ZNF594: variants seen among roughly 807,000 people sequenced by gnomAD.
The protein encoded by ZNF594 is zinc finger protein HZF18.
For synonymous variants in ZNF594, 336 were observed against 309.4 expected, an observed-to-expected ratio of 1.09 and a Z score of -0.90; for missense variants, 1,037 against 964.6, an observed-to-expected ratio of 1.08 and a Z score of -0.99.
At chr17:5,191,118 G>A (rs1055785471) in intron 1 of ZNF594, among the ~76,000 whole-genome samples, 5 of 151,948 alleles carry the variant, frequency 3.3e-5, no homozygotes, top group Non-Finnish European at 5.9e-5. Flanking sequence ...CCTCAGGGCC[G>A]AGAAAATTTT....
In ZNF594 at chr17:5,183,069, T is replaced by C. The variant is rs781633620; in HGVS notation, c.1188A>G (p.Val396=). 1.1e-5 allele frequency: 18 copies of C among 1,614,060 alleles called. No individual in the cohort carries two copies. The highest frequency in any genetic ancestry group is 1.4e-5 in the Non-Finnish European group (17 of 1,180,034). ...CATATGGTTTCTCTCCTGTATGAGTTACCTGATGTCTGATGAGGTCTGAGG... is the reference window on the plus strand; with the variant it reads ...CATATGGTTTCTCTCCTGTATGAGTCACCTGATGTCTGATGAGGTCTGAGG... ...QGTSDLIRHQ[V]THTGEKPYEC... Residue 396 remains valine (V), a synonymous_variant, in exon 2 of 2, where the codon GTA becomes GTG. Coordinates refer to ENST00000575779, the MANE Select transcript of ZNF594 (RefSeq NM_032530.2).
rs2074370335 is a variant in ZNF594, at chr17:5,184,072, T to C, written c.185A>G (p.Gln62Arg). The C allele has an allele frequency of 1.9e-6, 3 of 1,614,066 alleles. No individual in the cohort carries two copies. The highest frequency in any genetic ancestry group is 3.3e-5 in the Admixed American group (2 of 60,006). ...LKDAMRHLPS[Q>R]ESGIREMHII... ...ATGCATTTCCCTGATACCGCTCTCT[T>C]GGGAAGGGAGATGTCTCATTGCATC... is the stretch of plus-strand genomic sequence containing the variant. The change falls in exon 2 of 2, where the codon CAA becomes CGA. Residue 62 changes from glutamine (Q) to arginine (R), a missense_variant. Physicochemically the swap from Gln to Arg is conservative, Grantham distance 43. Transcript: ENST00000575779.
downstream of ZNF594, among the ~76,000 whole-genome samples, chr17:5,177,945 C>A (rs970281340): frequency 6.6e-6 from 1 of 152,070 alleles, no homozygotes; most frequent in African/African-American, 2.4e-5. Context: ...GTCAAACCAG[C>A]CAACAAAAAT....
rs1424436481 is a variant in ZNF594 at position 5,184,212 on chromosome 17, C to T, written c.45G>A (p.Lys15=). ...KSKMEISEEK[K]SARAASEKLQ... The stretch of plus-strand genomic sequence containing the variant: ...GTTTTTCGGATGCAGCCCTTGCTGA[C>T]TTCTTTTCTTCAGAAATTTCCATCT... The change falls in exon 2 of 2, where the codon AAG becomes AAA. Residue 15 remains lysine, a synonymous_variant. Coordinates refer to ENST00000575779, the MANE Select transcript of ZNF594 (RefSeq NM_032530.2). 1.9e-6 allele frequency: 3 copies of T among 1,613,144 alleles called. No individual in the cohort carries two copies. The highest frequency in any genetic ancestry group is 3.3e-5 in the Admixed American group (2 of 59,762).
chr17:5,181,136 A>G lies in ZNF594; in HGVS notation c.*697T>C, dbSNP rs771953971. ...TCTGACTGAAGGCCTTCCAACATTC[A>G]GGGCATTCATAGGGTTTCTCTCCAG... On this transcript the variant is annotated 3_prime_UTR_variant, in exon 2 of 2. Transcript: ENST00000575779. The G allele has an allele frequency of 6.3e-7, 1 of 1,597,440 alleles. No homozygotes were observed. Among genetic ancestry groups the G allele is most frequent in the African/African-American group, 1.3e-5 (1 of 74,614 alleles).
intron 1 of ZNF594, among the ~76,000 whole-genome samples, chr17:5,191,068 C>A (rs963963372): frequency 7.2e-5 from 11 of 152,136 alleles, no homozygotes; most frequent in Non-Finnish European, 1.5e-4. Context: ...ATCCCCCCTC[C>A]CCTATTTAGA....
chr17:5,188,829 G>A (rs62076346), intron 1 of ZNF594, among the ~76,000 whole-genome samples: 1 of 148,650 alleles, frequency 6.7e-6, no homozygotes, highest in Admixed American at 6.8e-5. Flanking sequence ...CTCACTGCAA[G>A]CTCCGCCTCC....
Position 5,183,840 on chromosome 17 carries a change from ACTC to A in ZNF594, c.414_416del (p.Arg138del), listed in dbSNP as rs1411574937. ...TTCTCTGATGTATGATCAGGTTTGA[ACTC>A]CTGTTGAAGGTTTTTTCACATTCCT... On this transcript the variant is annotated inframe_deletion, in exon 2 of 2. Transcript: ENST00000575779. 2 of 1,613,560 alleles carry A rather than the reference ACTC, an allele frequency of 1.2e-6. No homozygotes were observed. The highest frequency in any genetic ancestry group is 2.7e-5 in the African/African-American group (2 of 74,850).
Position 5,183,590 on chromosome 17 carries a change from T to C in ZNF594, c.667A>G (p.Ser223Gly). 1 of 1,614,192 alleles carries C rather than the reference T, an allele frequency of 6.2e-7. No homozygotes were observed. Among genetic ancestry groups the C allele is most frequent in the East Asian group, 2.2e-5 (1 of 44,876 alleles). Reference protein sequence around the residue: ...CKECGKAFKGSSNLVLHQRIH... With the variant: ...CKECGKAFKGGSNLVLHQRIH... ...CTCTGGTGCAGGACAAGGTTTGAGCTTCCCTTAAAAGCCTTCCCACACTCT... is the reference window on the plus strand; with the variant it reads ...CTCTGGTGCAGGACAAGGTTTGAGCCTCCCTTAAAAGCCTTCCCACACTCT... The change falls in exon 2 of 2, where the codon AGC becomes GGC. Residue 223 changes from serine to glycine, a missense_variant. By Grantham distance (56) the Ser-to-Gly change is moderately conservative. Coordinates refer to ENST00000575779, the MANE Select transcript of ZNF594 (RefSeq NM_032530.2).
Position 5,181,112 on chromosome 17 carries a change from CT to C in ZNF594, c.*720del. The C allele has an allele frequency of 6.5e-7, 1 of 1,544,308 alleles. No homozygotes were observed. Among genetic ancestry groups the C allele is most frequent in the Non-Finnish European group, 8.9e-7 (1 of 1,122,266 alleles). On this transcript the variant is annotated 3_prime_UTR_variant, in exon 2 of 2. Transcript: ENST00000575779. ...TTTGATGACTGACAAGGTGTGAGTT[CT>C]GACTGAAGGCCTTCCAACATTCAGG... is the stretch of plus-strand genomic sequence containing the variant.
At chr17:5,187,022 C>T (rs1185955208) in intron 1 of ZNF594, among the ~76,000 whole-genome samples, 1 of 152,202 alleles carries the variant, frequency 6.6e-6, no homozygotes, top group Non-Finnish European at 1.5e-5. Flanking sequence ...CCGACCTTTG[C>T]CTGTTCTCCA....
At chr17:5,178,504 C>G (rs1598123725), downstream of ZNF594, among the ~76,000 whole-genome samples, 2 of 152,188 alleles carry the variant, frequency 1.3e-5, no homozygotes, top group Non-Finnish European at 1.5e-5. Context: ...TCCCTGGAAT[C>G]AGAACCAGAC....
At position 5,182,829 on chromosome 17, in the gene ZNF594, A is replaced by G. The variant is rs375303510; in HGVS notation, c.1428T>C (p.Val476=). The change falls in exon 2 of 2, where the codon GTT becomes GTC. Residue 476 remains valine, a synonymous_variant. Coordinates refer to ENST00000575779, the MANE Select transcript of ZNF594 (RefSeq NM_032530.2). ...GKAFSQRSHL[V]THQKIHTGEK... ...CTCCAGTATGGATTTTCTGGTGTGT[A>G]ACAAGGTGTGACCTCTGGCTAAAGG... 14 of 1,613,866 alleles carry G rather than the reference A, an allele frequency of 8.7e-6. No homozygotes were observed. Among genetic ancestry groups the G allele is most frequent in the East Asian group, 2.2e-5 (1 of 44,862 alleles).
downstream of ZNF594, among the ~76,000 whole-genome samples, chr17:5,178,484 T>C (rs2074319552): frequency 1.3e-5 from 2 of 152,174 alleles, no homozygotes; most frequent in Admixed American, 6.5e-5. Flanking sequence ...ACAGGATCAC[T>C]GAAACCTGTT....
chr17:5,191,532 C>A lies in ZNF594; in HGVS notation c.-21+216G>T, dbSNP rs979060050. Reference sequence around the variant, plus strand: ...CGGTACCCACAGGAGGGAACTGGAACAGGCAAGAGTAGCGGGACAGGGCCG... The same window carrying A: ...CGGTACCCACAGGAGGGAACTGGAAAAGGCAAGAGTAGCGGGACAGGGCCG... On this transcript the variant is annotated intron_variant, in intron 1 of 1. Coordinates refer to ENST00000575779, the MANE Select transcript of ZNF594 (RefSeq NM_032530.2). 25 of 152,390 alleles carry A rather than the reference C, an allele frequency of 1.6e-4. No individual in the cohort carries two copies. In the Middle Eastern group the frequency reaches 0.014, roughly 83 times the overall value. The allele number at this position is 152,390 out of a possible 1,614,324, so 9.4% of individuals were successfully genotyped here.
chr17:5,182,568 C>T lies in ZNF594; in HGVS notation c.1689G>A (p.Gln563=), dbSNP rs183919271. 8.9e-4 allele frequency: 1,434 copies of T among 1,613,204 alleles called. No homozygotes were observed. The highest frequency in any genetic ancestry group is 1.1e-3 in the Non-Finnish European group (1,326 of 1,179,624). ...GATTACACCAATAAGCTTTCGCTTC[C>T]TGGTGAATTTTCTGCTCTCCCCTAA... The part of the protein sequence containing the change: ...EELRGEQKIH[Q]EAKAYWCNQC... The change falls in exon 2 of 2, where the codon CAG becomes CAA. Residue 563 remains glutamine (Q), a synonymous_variant. Coordinates refer to ENST00000575779, the MANE Select transcript of ZNF594 (RefSeq NM_032530.2).
chr17:5,183,242 G>A lies in ZNF594; in HGVS notation c.1015C>T (p.Leu339Phe), dbSNP rs61750938. The change falls in exon 2 of 2, where the codon CTT becomes TTT. Residue 339 changes from leucine (L) to phenylalanine (F), a missense_variant. Leu to Phe is a conservative substitution (Grantham distance 22). Coordinates refer to ENST00000575779, the MANE Select transcript of ZNF594 (RefSeq NM_032530.2). ...CCAGCATGCAATCTCTGATGTTTAA[G>A]AAAAGCTGTGCGCCCACTGAAGGTC... is the stretch of plus-strand genomic sequence containing the variant. The part of the protein sequence containing the change: ...GKTFSGRTAF[L>F]KHQRLHAGEK... The A allele has an allele frequency of 7.1e-3, 11,539 of 1,614,104 alleles. 63 individuals carry two copies. The highest frequency in any genetic ancestry group is 8.8e-3 in the Non-Finnish European group (10,436 of 1,180,020).
Position 5,188,072 on chromosome 17 carries a change from T to C in ZNF594, c.-21+3676A>G, listed in dbSNP as rs973686979. 3.9e-5 allele frequency among the ~76,000 whole-genome samples: 6 copies of C among 152,116 alleles called. No individual in the cohort carries two copies. In the East Asian group the frequency reaches 1.2e-3, roughly 29 times the overall value. On this transcript the variant is annotated intron_variant, in intron 1 of 1. Coordinates refer to ENST00000575779, the MANE Select transcript of ZNF594 (RefSeq NM_032530.2). ...CTCCTGCAACTGAAAGACAGTGGCCTTACTGCTTTTGGGTGCCCATATTAT... is the reference window on the plus strand; with the variant it reads ...CTCCTGCAACTGAAAGACAGTGGCCCTACTGCTTTTGGGTGCCCATATTAT...
chr17:5,175,685 G>A (rs144297719), downstream of ZNF594, among the ~76,000 whole-genome samples: 1 of 152,188 alleles, frequency 6.6e-6, no homozygotes, highest in Non-Finnish European at 1.5e-5. Context: ...AGGAGATGAG[G>A]TGAAGAGAAG....
Sources: gnomAD v4.1 joint callset for allele counts (sites outside exome capture counted in the v4.1 genomes callset) on GRCh38, gnomAD v4.1.1 for gene constraint, MANE v1.5 for transcripts, NCBI Gene and HGNC (gene_info 2026-07-23, HGNC 2026-07-21) for gene names.